The following PSME2 variants were observed in gnomAD, a reference collection of about 807,000 sequenced individuals.
PSME2 encodes proteasome activator complex subunit 2.
In PSME2, 20 loss-of-function variants were observed where a neutral mutation model predicts 38.8. The observed-to-expected ratio is 0.52, with a 90% CI of 0.36 to 0.75. The LOEUF is 0.75. PSME2 is among the 30% of genes least tolerant of loss of function. The pLI is 0.00. For missense variants in PSME2, 227 were observed against 287.6 expected (o/e 0.79, Z 1.52); for synonymous variants, 82 against 102.5 (o/e 0.80, Z 1.21).
At position 24,145,658 on chromosome 14, in the gene PSME2, G is replaced by A. The variant is rs188576040; in HGVS notation, c.144+52C>T. On this transcript the variant is annotated intron_variant, in intron 3 of 10. Transcript: ENST00000216802. ...TCCAGTTGTTAGCTAGAGAGGGTGG[G>A]CAAAGGGGATAGAGGACATAGGATG... The A allele has an allele frequency of 6.6e-4, 1,041 of 1,565,626 alleles. 3 individuals are homozygous for A. Among genetic ancestry groups the A allele is most frequent in the Non-Finnish European group, 8.3e-4 (941 of 1,136,150 alleles).
chr14:24,145,587 C>G, intron 3 of PSME2, 122 bp from the exon 4 acceptor site: 2 of 1,447,826 alleles, frequency 1.4e-6, no homozygotes, highest in Non-Finnish European at 1.9e-6. Flanking sequence ...TCACGCCATC[C>G]TAATGTTCCT....
At position 24,145,434 on chromosome 14, in the gene PSME2, G is replaced by T; in HGVS notation, c.176C>A (p.Ser59Tyr). The change falls in exon 4 of 11, where the codon TCC becomes TAC. Residue 59 changes from serine (S) to tyrosine (Y), a missense_variant. This residue lies in a region of PSME2 where 80 missense variants were observed against 77.3 expected (regional missense o/e 1.04). Coordinates refer to ENST00000216802, the MANE Select transcript of PSME2 (RefSeq NM_002818.3). ...EDSLNVADLT[S>Y]LRAPLDIPIP... The stretch of plus-strand genomic sequence containing the variant: ...GGGGATGTCCAGTGGGGCCCGGAGG[G>T]AAGTCAAGTCAGCCACATTGAGGGA... The T allele has an allele frequency of 1.3e-6, 2 of 1,558,056 alleles. No individual in the cohort carries two copies. The highest frequency in any genetic ancestry group is 1.7e-6 in the Non-Finnish European group (2 of 1,153,870).
chr14:24,146,216 A>G lies in PSME2; in HGVS notation c.73T>C (p.Phe25Leu), dbSNP rs1322091167. ...CAAATCCAGAGACTTACCTCCTGGAAAAGATTCTGTCTGAAGACCTCCACC... is the reference window on the plus strand; with the variant it reads ...CAAATCCAGAGACTTACCTCCTGGAGAAGATTCTGTCTGAAGACCTCCACC... The part of the protein sequence containing the change: ...KQVEVFRQNL[F>L]QEAEEFLYRF... Residue 25 changes from phenylalanine to leucine, a missense_variant, in exon 2 of 11, where the codon TTC becomes CTC. Phe to Leu is a conservative substitution (Grantham distance 22). This residue lies in a region of PSME2 where 80 missense variants were observed against 77.3 expected (regional missense o/e 1.04). Transcript: ENST00000216802. 6.2e-7 allele frequency: 1 copy of G among 1,613,184 alleles called. No individual in the cohort carries two copies. Among genetic ancestry groups the G allele is most frequent in the African/African-American group, 1.3e-5 (1 of 74,774 alleles).
chr14:24,144,312 C>T, intron 7 of PSME2, 53 bp from the exon 8 acceptor site: 1 of 1,610,794 alleles, frequency 6.2e-7, no homozygotes. Context: ...CCATTTCATA[C>T]ACTATCTTCC....
intron 8 of PSME2, 25 bp downstream of exon 8, chr14:24,144,167 A>C: frequency 1.2e-6 from 2 of 1,614,100 alleles, no homozygotes; most frequent in Non-Finnish European, 8.5e-7. Context: ...ACTGCCCCCA[A>C]TGCTGGTCCT....
At position 24,143,466 on chromosome 14, in the gene PSME2, G is replaced by C; in HGVS notation, c.663C>G (p.Ser221Arg). ...AFYAELYHIISSNLEKIVNPK... is the reference protein window; with the variant it reads ...AFYAELYHIIRSNLEKIVNPK... The stretch of plus-strand genomic sequence containing the variant: ...GGTTGACAATTTTCTCCAGGTTGCT[G>C]CTGATGATATGATAAAGCTCAGCCT... Residue 221 changes from serine (S) to arginine (R), a missense_variant, in exon 11 of 11, where the codon AGC (serine) becomes AGG (arginine). This residue lies in a region of PSME2 where 99 missense variants were observed against 113.9 expected (regional missense o/e 0.87). Transcript: ENST00000216802. This position sits in a 1 kb window ranked among gnomAD's most constrained non-coding sequence, Gnocchi z 4.4. 3.1e-6 allele frequency: 5 copies of C among 1,614,158 alleles called. No homozygotes were observed. The highest frequency in any genetic ancestry group is 4.2e-6 in the Non-Finnish European group (5 of 1,180,018).
rs758983959 is a variant in PSME2, at chr14:24,145,508, T to A, written c.145-43A>T. 5 of 1,524,516 alleles carry A rather than the reference T, an allele frequency of 3.3e-6. No individual in the cohort carries two copies. In the Admixed American group the frequency reaches 9.9e-5, roughly 30 times the overall value. The allele number at this position is 1,524,516 out of a possible 1,614,324, so 94.4% of individuals were successfully genotyped here. ...TCAAGGGCTGCCCAACCTCTTCCCT[T>A]CATCCTAGGTCACAGCCTTCCCTCC... On this transcript the variant is annotated intron_variant, in intron 3 of 10. Transcript: ENST00000216802.
In PSME2 at chr14:24,143,837, C is replaced by T; in HGVS notation, c.552+138G>A. 7.5e-7 allele frequency: 1 copy of T among 1,334,512 alleles called. No homozygotes were observed. The highest frequency in any genetic ancestry group is 1.1e-6 in the Non-Finnish European group (1 of 945,114). The allele number at this position is 1,334,512 out of a possible 1,614,324, so 82.7% of individuals were successfully genotyped here. A position where few individuals can be genotyped will look rare whatever the true frequency, so the allele number is the denominator to read the frequency against. On this transcript the variant is annotated intron_variant, in intron 9 of 10. Transcript: ENST00000216802. This position sits in a 1 kb window ranked among gnomAD's most constrained non-coding sequence, Gnocchi z 4.4. ...GAAAAGGGTCAAGGTTGTTGAAGCC[C>T]AAACCAGTTTTTCTAGGTAATGCTT...
Position 24,144,183 on chromosome 14 carries a change from T to A in PSME2, c.497+9A>T, listed in dbSNP as rs1339108792. The A allele has an allele frequency of 6.2e-7, 1 of 1,614,132 alleles. No individual in the cohort carries two copies. On this transcript the variant is annotated intron_variant, in intron 8 of 10. Transcript: ENST00000216802. ...CTGCCCCCAATGCTGGTCCTCCAGCTGCCCTCACTTGGAAATGGTTGTCTG... is the reference window on the plus strand; with the variant it reads ...CTGCCCCCAATGCTGGTCCTCCAGCAGCCCTCACTTGGAAATGGTTGTCTG...
Position 24,145,740 on chromosome 14 carries a change from C to G in PSME2, c.114G>C (p.Gln38His). The G allele has an allele frequency of 6.2e-7, 1 of 1,614,050 alleles. No homozygotes were observed. Among genetic ancestry groups the G allele is most frequent in the Non-Finnish European group, 8.5e-7 (1 of 1,179,952 alleles). Residue 38 changes from glutamine (Q) to histidine (H), a missense_variant, in exon 3 of 11, where the codon CAG becomes CAC. Physicochemically the swap from Gln to His is conservative, Grantham distance 24. This residue lies in a region of PSME2 where 80 missense variants were observed against 77.3 expected (regional missense o/e 1.04). Coordinates refer to ENST00000216802, the MANE Select transcript of PSME2 (RefSeq NM_002818.3). ...AEEFLYRFLP[Q>H]KIIYLNQLLQ... ...AGAGCTGATTCAGGTATATGATTTT[C>G]TGTGGCAAGAATCTGTAGAGGAATT...
At chr14:24,146,433 T>C in intron 1 of PSME2, 101 bp downstream of exon 1, 1 of 1,517,622 alleles carries the variant, frequency 6.6e-7, no homozygotes, top group Non-Finnish European at 9.1e-7. Context: ...CTAGCGAGAT[T>C]GGGGGAGTTC....
At chr14:24,144,819 C>T in intron 6 of PSME2, 1 of 585,006 alleles carries the variant, frequency 1.7e-6, no homozygotes, top group South Asian at 2.1e-5. Context: ...GAACCCAATA[C>T]AGCAGTAGGT....
Position 24,143,491 on chromosome 14 carries a change from TGGGAGAA to T in PSME2, c.640-9_640-3del. 1 of 1,614,180 alleles carries T rather than the reference TGGGAGAA, an allele frequency of 6.2e-7. No homozygotes were observed. The highest frequency in any genetic ancestry group is 8.5e-7 in the Non-Finnish European group (1 of 1,180,018). On this transcript the variant is annotated splice_region_variant and splice_polypyrimidine_tract_variant and intron_variant, in intron 10 of 10. Transcript: ENST00000216802. This position sits in a 1 kb window ranked among gnomAD's most constrained non-coding sequence, Gnocchi z 4.4. Reference sequence around the variant, plus strand: ...GCTGATGATATGATAAAGCTCAGCCTGGGAGAAGGCCAGAGTGCAAGAGTCAGGTTCT... The same window carrying T: ...GCTGATGATATGATAAAGCTCAGCCTGGCCAGAGTGCAAGAGTCAGGTTCT...
At chr14:24,144,511 C>T (rs2038121935) in intron 6 of PSME2, 43 bp from the exon 7 acceptor site, 2 of 1,556,202 alleles carry the variant, frequency 1.3e-6, no homozygotes, top group Non-Finnish European at 1.8e-6. Flanking sequence ...AACAAACATA[C>T]TGAGTTCTTC....
Position 24,146,058 on chromosome 14 carries a change from A to T in PSME2, c.81+150T>A, listed in dbSNP as rs2038149407. 23 of 962,318 alleles carry T rather than the reference A, an allele frequency of 2.4e-5. No individual in the cohort carries two copies. The South Asian group carries it at 3.2e-4, about 13-fold the overall frequency. 59.6% of individuals were successfully genotyped at this position (962,318 alleles called of 1,614,324 possible). On this transcript the variant is annotated intron_variant, in intron 2 of 10. Coordinates refer to ENST00000216802, the MANE Select transcript of PSME2 (RefSeq NM_002818.3). ...AAGAAAGGTCAGATTAAAGGTAGCTATCAATAATTCCGGGGTTACTTTGGG... is the reference window on the plus strand; with the variant it reads ...AAGAAAGGTCAGATTAAAGGTAGCTTTCAATAATTCCGGGGTTACTTTGGG...
At position 24,143,988 on chromosome 14, in the gene PSME2, T is replaced by C. The variant is rs2038114495; in HGVS notation, c.539A>G (p.Lys180Arg). 1 of 1,614,092 alleles carries C rather than the reference T, an allele frequency of 6.2e-7. No individual in the cohort carries two copies. Among genetic ancestry groups the C allele is most frequent in the South Asian group, 1.1e-5 (1 of 91,084 alleles). ...ERGDAVAKASKETHVMDYRAL... is the reference protein window; with the variant it reads ...ERGDAVAKASRETHVMDYRAL... ...CTATCCACTCACTACATGAGTCTCCTTGGAGGCCTTGGCCACAGCATCCCC... is the reference window on the plus strand; with the variant it reads ...CTATCCACTCACTACATGAGTCTCCCTGGAGGCCTTGGCCACAGCATCCCC... The change falls in exon 9 of 11, where the codon AAG becomes AGG. Residue 180 changes from lysine to arginine, a missense_variant. Physicochemically the swap from Lys to Arg is conservative, Grantham distance 26. Around this residue, in one of 3 missense-constraint regions of PSME2, gnomAD observed 99 missense variants for 113.9 expected, o/e 0.87. Coordinates refer to ENST00000216802, the MANE Select transcript of PSME2 (RefSeq NM_002818.3). The surrounding 1 kb of genome is among the most constrained non-coding windows in gnomAD (Gnocchi z 4.4).
intron 1 of PSME2, 128 bp downstream of exon 1, chr14:24,146,406 C>A: frequency 6.9e-7 from 1 of 1,446,514 alleles, no homozygotes. Context: ...TCTGGGAATC[C>A]CCGAGAAGTG....
In PSME2 at chr14:24,145,456, G is replaced by A; in HGVS notation, c.154C>T (p.Leu52Phe). The change falls in exon 4 of 11, where the codon CTC (leucine) becomes TTC (phenylalanine). Residue 52 changes from leucine to phenylalanine, a missense_variant. This residue lies in a region of PSME2 where 80 missense variants were observed against 77.3 expected (regional missense o/e 1.04). Transcript: ENST00000216802. The part of the protein sequence containing the change: ...YLNQLLQEDS[L>F]NVADLTSLRA... ...AGGGAAGTCAAGTCAGCCACATTGAGGGAGTCCTCCTGCACAGAGCTCACT... is the reference window on the plus strand; with the variant it reads ...AGGGAAGTCAAGTCAGCCACATTGAAGGAGTCCTCCTGCACAGAGCTCACT... The A allele has an allele frequency of 6.4e-7, 1 of 1,553,992 alleles. No individual in the cohort carries two copies. The highest frequency in any genetic ancestry group is 8.7e-7 in the Non-Finnish European group (1 of 1,152,032).
Position 24,145,279 on chromosome 14 carries a change from G to C in PSME2, c.232-6C>G. The C allele has an allele frequency of 1.2e-6, 2 of 1,612,420 alleles. No homozygotes were observed. The highest frequency in any genetic ancestry group is 1.7e-6 in the Non-Finnish European group (2 of 1,179,422). On this transcript the variant is annotated splice_region_variant and splice_polypyrimidine_tract_variant and intron_variant, in intron 4 of 10. Transcript: ENST00000216802. ...TCCTGCTTATCTGTTTCCATCTAAG[G>C]CAAAAAGGGGGGAAAGTAGCTTTAG...
Sources: gnomAD v4.1 joint callset for allele counts on GRCh38, gnomAD v4.1.1 for gene constraint, gnomAD v4.1.1 regional missense constraint, Gnocchi (gnomAD v3.1) non-coding constraint, MANE v1.5 for transcripts, NCBI Gene and HGNC (gene_info 2026-07-23, HGNC 2026-07-21) for gene names.